Variants in MEF2A observed in about 807,000 individuals in gnomAD.
MEF2A encodes myocyte-specific enhancer factor 2A.
A neutral mutation model predicts 55.8 loss-of-function variants in MEF2A; 28 were observed. That is an observed-to-expected ratio of 0.50 (90% CI 0.37 to 0.69). The LOEUF is 0.69. MEF2A is among the 30% of genes least tolerant of loss of function. The pLI, the probability that MEF2A is intolerant of heterozygous loss-of-function variation, is 0.00. For missense variants in MEF2A, 528 were observed against 626.2 expected (o/e 0.84, Z 1.67); for synonymous variants, 239 against 227.1 (o/e 1.05, Z -0.47).
At chr15:99,665,754 A>AAAAAAAAAAAAAAAAAAAAAC in intron 4 of MEF2A, among the ~76,000 whole-genome samples, 1 of 149,376 alleles carries the variant, frequency 6.7e-6, no homozygotes, top group Non-Finnish European at 1.5e-5. Flanking sequence ...AAAAAAAAAA[A>AAAAAAAAAAAAAAAAAAAAAC]AGCCATCAAA....
chr15:99,676,072 A>C (rs2051966094), intron 7 of MEF2A, among the ~76,000 whole-genome samples: 1 of 152,118 alleles, frequency 6.6e-6, no homozygotes, highest in Admixed American at 6.6e-5. Context: ...TGATTGAATG[A>C]CTTAATAAAA....
intron 7 of MEF2A, among the ~76,000 whole-genome samples, chr15:99,681,499 G>T (rs2053239487): frequency 6.6e-6 from 1 of 152,210 alleles, no homozygotes; most frequent in African/African-American, 2.4e-5. Context: ...TCACATGGAG[G>T]TGATAGTTGA....
chr15:99,609,096 G>T (rs1370259609), intron 2 of MEF2A, among the ~76,000 whole-genome samples: 1 of 152,134 alleles, frequency 6.6e-6, no homozygotes, highest in Non-Finnish European at 1.5e-5. Flanking sequence ...TACAGTTAAG[G>T]TGCTAGACAG....
At chr15:99,636,721 T>G (rs2043916133) in intron 3 of MEF2A, among the ~76,000 whole-genome samples, 2 of 152,242 alleles carry the variant, frequency 1.3e-5, no homozygotes, top group South Asian at 4.1e-4. Flanking sequence ...TTATGAGTAG[T>G]GCCTTTTGTG....
chr15:99,566,279 C>G lies in MEF2A; in HGVS notation c.-225+175C>G, dbSNP rs1255648116. On this transcript the variant is annotated intron_variant, in intron 1 of 11. Coordinates refer to ENST00000557942, the MANE Select transcript of MEF2A (RefSeq NM_001319206.4). ...GACCCCTGGACGAGGCCGTGTCCGG[C>G]TTGGAGGGGGCCAGGGTCGCGTTCG... Among the ~76,000 whole-genome samples, 8 of 81,386 alleles carry G rather than the reference C, an allele frequency of 9.8e-5. No homozygotes were observed. In the Admixed American group the frequency reaches 1.2e-3, roughly 12 times the overall value. 53.4% of individuals were successfully genotyped at this position (81,386 alleles called of 152,430 possible). A position where few individuals can be genotyped will look rare whatever the true frequency, so the allele number is the denominator to read the frequency against.
In MEF2A at chr15:99,633,188, T is replaced by C; in HGVS notation, c.54+15T>C. On this transcript the variant is annotated intron_variant, in intron 3 of 11. Transcript: ENST00000557942. ...GGAACCGACAGGTAAATGAAAATTT[T>C]AATTTATTTAATTGATATGAATATT... is the stretch of plus-strand genomic sequence containing the variant. 6.6e-7 allele frequency: 1 copy of C among 1,503,810 alleles called. No homozygotes were observed. 93.2% of individuals were successfully genotyped at this position (1,503,810 alleles called of 1,614,324 possible).
chr15:99,567,751 C>CTGATTTAGA (rs1464595882), intron 1 of MEF2A, among the ~76,000 whole-genome samples: 16 of 151,864 alleles, frequency 1.1e-4, no homozygotes, highest in African/African-American at 3.6e-4. Context: ...AAAGCAGATG[C>CTGATTTAGA]TGATTTAGAT....
intron 7 of MEF2A, among the ~76,000 whole-genome samples, chr15:99,677,146 A>G (rs1431476874): frequency 1.3e-5 from 2 of 151,792 alleles, no homozygotes; most frequent in Non-Finnish European, 2.9e-5. Flanking sequence ...AAATAAATAA[A>G]TAAAATAAAA....
intron 2 of MEF2A, among the ~76,000 whole-genome samples, chr15:99,629,805 T>C (rs1005073940): frequency 1.2e-4 from 18 of 152,264 alleles, no homozygotes; most frequent in African/African-American, 4.3e-4. Flanking sequence ...CCGGGCGTGG[T>C]GGCACGTGCC....
intron 5 of MEF2A, chr15:99,671,724 C>G: frequency 2.9e-6 from 4 of 1,398,908 alleles, no homozygotes; most frequent in Non-Finnish European, 2.8e-6. Context: ...CATCTTGTTG[C>G]TTATTTTTAT....
intron 9 of MEF2A, among the ~76,000 whole-genome samples, chr15:99,705,647 G>A (rs968394240): frequency 2.0e-5 from 3 of 152,282 alleles, no homozygotes; most frequent in African/African-American, 2.4e-5. Context: ...GATCCTCATC[G>A]AATGTTTGTA....
intron 1 of MEF2A, among the ~76,000 whole-genome samples, chr15:99,568,241 G>A (rs2152682822): frequency 6.6e-6 from 1 of 152,286 alleles, no homozygotes; most frequent in Middle Eastern, 3.4e-3. Context: ...AGAAATAATT[G>A]TAATGTCACC....
At chr15:99,629,192 TG>T (rs1321879115) in intron 2 of MEF2A, among the ~76,000 whole-genome samples, 2 of 152,216 alleles carry the variant, frequency 1.3e-5, no homozygotes, top group African/African-American at 4.8e-5. Flanking sequence ...CCCAACACTT[TG>T]GGAGGCCGAG....
intron 7 of MEF2A, among the ~76,000 whole-genome samples, chr15:99,680,667 A>T (rs924705128): frequency 3.3e-5 from 5 of 152,228 alleles, no homozygotes; most frequent in Non-Finnish European, 7.3e-5. Flanking sequence ...TATGAAAATG[A>T]AGTAAATGAA....
At chr15:99,657,602 G>C (rs1361877054) in intron 4 of MEF2A, 1 of 152,046 alleles carries the variant, frequency 6.6e-6, no homozygotes, top group East Asian at 1.9e-4. Context: ...TGCCCATCTG[G>C]ATAAAGCAGT....
intron 3 of MEF2A, among the ~76,000 whole-genome samples, chr15:99,645,124 A>G (rs1165815216): frequency 2.6e-5 from 4 of 152,220 alleles, no homozygotes; most frequent in Non-Finnish European, 5.9e-5. Flanking sequence ...AGTGGGTACA[A>G]TAGAGAAGGG....
intron 1 of MEF2A, among the ~76,000 whole-genome samples, chr15:99,577,426 CAG>C (rs1491315471): frequency 2.0e-5 from 3 of 152,274 alleles, no homozygotes; most frequent in South Asian, 2.1e-4. Context: ...CTTTCACGGT[CAG>C]GGGGGAGTAT....
intron 1 of MEF2A, among the ~76,000 whole-genome samples, chr15:99,572,579 C>T (rs559640899): frequency 2.4e-4 from 36 of 152,324 alleles, no homozygotes; most frequent in African/African-American, 7.5e-4. Context: ...ATTAGCATGC[C>T]GCCTGGCATT....
At chr15:99,644,083 CAG>C (rs1319460028) in intron 3 of MEF2A, among the ~76,000 whole-genome samples, 1 of 152,112 alleles carries the variant, frequency 6.6e-6, no homozygotes, top group Admixed American at 6.5e-5. Flanking sequence ...TACTAGCTAA[CAG>C]AATATTTGAG....
Sources: allele counts gnomAD v4.1 joint callset (sites outside exome capture counted in the v4.1 genomes callset), GRCh38; gene constraint gnomAD v4.1.1; transcripts MANE v1.5; gene names NCBI Gene and HGNC (gene_info 2026-07-23, HGNC 2026-07-21).